Variants in CNBD1 observed in about 807,000 individuals in gnomAD.
The protein encoded by CNBD1 is cyclic nucleotide-binding domain-containing protein 1.
A neutral mutation model predicts 54.4 loss-of-function variants in CNBD1; 71 were observed. That is an observed-to-expected ratio of 1.30 (90% CI 1.08 to 1.59). The LOEUF is 1.59. Among genes scored for constraint, CNBD1 ranks in the 40% most tolerant of loss-of-function variants. The pLI is 0.00. For synonymous variants in CNBD1, 182 were observed against 170.7 expected (o/e 1.07, Z -0.51); for missense variants, 659 against 518.0 (o/e 1.27, Z -2.64).
At chr8:86,996,217 A>G (rs1432464354) in intron 4 of CNBD1, among the ~76,000 whole-genome samples, 1 of 152,040 alleles carries the variant, frequency 6.6e-6, no homozygotes, top group Admixed American at 6.6e-5. Flanking sequence ...GTTGACTGTG[A>G]TTCATGTTTT....
chr8:87,171,567 G>A (rs1282220902), intron 4 of CNBD1, among the ~76,000 whole-genome samples: 12 of 151,204 alleles, frequency 7.9e-5, no homozygotes, highest in African/African-American at 2.2e-4. Context: ...GGTTTTGTTT[G>A]TTCTTGCTTT....
intron 4 of CNBD1, among the ~76,000 whole-genome samples, chr8:87,030,361 T>A (rs952336180): frequency 6.6e-6 from 1 of 152,218 alleles, no homozygotes; most frequent in Non-Finnish European, 1.5e-5. Context: ...AAACAGAAGA[T>A]ACTCTTGGAA....
At chr8:87,394,321 TA>T (rs1264710392) in intron 2 of CNBD1, among the ~76,000 whole-genome samples, 1 of 151,878 alleles carries the variant, frequency 6.6e-6, no homozygotes, top group Non-Finnish European at 1.5e-5. Flanking sequence ...GACTGGGGAA[TA>T]AAAAGAAGCA....
chr8:87,384,535 A>T (rs550685822), downstream of CNBD1, among the ~76,000 whole-genome samples: 21 of 152,296 alleles, frequency 1.4e-4, no homozygotes, highest in South Asian at 4.4e-3. Context: ...TTGATTCAGT[A>T]TTTCCTCCAT....
chr8:87,327,472 A>G (rs558727356), intron 8 of CNBD1, among the ~76,000 whole-genome samples: 2 of 152,306 alleles, frequency 1.3e-5, no homozygotes, highest in South Asian at 2.1e-4. Flanking sequence ...TGGGCGTAGG[A>G]TACTCCGAAC....
At chr8:86,918,636 G>T (rs1809224018) in intron 3 of CNBD1, among the ~76,000 whole-genome samples, 2 of 151,814 alleles carry the variant, frequency 1.3e-5, no homozygotes, top group Admixed American at 6.6e-5. Context: ...CTTCTGTGCT[G>T]CCACATAAGA....
At chr8:86,990,228 T>C (rs1808715437) in intron 4 of CNBD1, among the ~76,000 whole-genome samples, 1 of 152,202 alleles carries the variant, frequency 6.6e-6, no homozygotes, top group Non-Finnish European at 1.5e-5. Context: ...TCCATTTTGC[T>C]TCGGTTGTCT....
intron 4 of CNBD1, among the ~76,000 whole-genome samples, chr8:87,033,723 C>T (rs1384688243): frequency 6.6e-6 from 1 of 152,050 alleles, no homozygotes; most frequent in Non-Finnish European, 1.5e-5. Context: ...TTTTCAGGTA[C>T]ATATATCATT....
rs573738861 is a variant in CNBD1, at chr8:87,303,167, C to G, written c.1042+16496C>G. Among the ~76,000 whole-genome samples, 707 of 151,908 alleles carry G rather than the reference C, an allele frequency of 4.7e-3. 4 individuals carry two copies. The highest frequency in any genetic ancestry group is 0.014 in the Middle Eastern group (4 of 294). ...AGTTCATATGGAGCCAAAAAAGAGCCTGCATTGCCAAGTCAATCCTAAGCC... is the reference window on the plus strand; with the variant it reads ...AGTTCATATGGAGCCAAAAAAGAGCGTGCATTGCCAAGTCAATCCTAAGCC... On this transcript the variant is annotated intron_variant, in intron 8 of 10. Transcript: ENST00000518476.
chr8:87,348,372 G>A (rs1482428380), intron 8 of CNBD1, among the ~76,000 whole-genome samples: 1 of 152,118 alleles, frequency 6.6e-6, no homozygotes, highest in Non-Finnish European at 1.5e-5. Flanking sequence ...CTGTTACAGA[G>A]ATGTAAAGCC....
chr8:87,115,074 G>A (rs1174844111), intron 4 of CNBD1, among the ~76,000 whole-genome samples: 1 of 152,124 alleles, frequency 6.6e-6, no homozygotes, highest in African/African-American at 2.4e-5. Flanking sequence ...GACCTTAATG[G>A]CAATTTAATC....
At chr8:87,298,592 A>G (rs1808925475) in intron 8 of CNBD1, among the ~76,000 whole-genome samples, 1 of 149,426 alleles carries the variant, frequency 6.7e-6, no homozygotes, top group Admixed American at 6.8e-5. Flanking sequence ...TCAAGTCATT[A>G]TCCTGCTTCA....
chr8:87,425,457 C>G (rs975382207), intron 2 of CNBD1, among the ~76,000 whole-genome samples: 4 of 152,128 alleles, frequency 2.6e-5, no homozygotes, highest in African/African-American at 7.2e-5. Context: ...GTTTTATCTA[C>G]TTTTGGTCTT....
chr8:87,369,071 T>A (rs1268500911), intron 10 of CNBD1, among the ~76,000 whole-genome samples: 1 of 152,072 alleles, frequency 6.6e-6, no homozygotes, highest in Non-Finnish European at 1.5e-5. Flanking sequence ...TCAATAATTT[T>A]TTTAATCCAT....
chr8:87,401,284 C>T (rs1366229896), intron 2 of CNBD1, among the ~76,000 whole-genome samples: 5 of 151,982 alleles, frequency 3.3e-5, no homozygotes, highest in African/African-American at 1.2e-4. Flanking sequence ...CTAAGGCCAT[C>T]CCCAATTCCC....
At chr8:87,045,724 CA>C (rs58973406) in intron 4 of CNBD1, among the ~76,000 whole-genome samples, 2,376 of 51,050 alleles carry the variant, frequency 0.047, 20 homozygotes, top group Non-Finnish European at 0.068. Flanking sequence ...GACTCCGTCT[CA>C]AAAAAAAAAA....
At chr8:87,156,405 C>T (rs188139334) in intron 4 of CNBD1, among the ~76,000 whole-genome samples, 129 of 150,694 alleles carry the variant, frequency 8.6e-4, no homozygotes, top group African/African-American at 2.8e-3. Context: ...CCATCATACC[C>T]GGCTACATTT....
chr8:87,386,435 G>A (rs1811191248), downstream of CNBD1, among the ~76,000 whole-genome samples: 1 of 152,170 alleles, frequency 6.6e-6, no homozygotes, highest in Admixed American at 6.5e-5. Flanking sequence ...TGATGGAGCT[G>A]AAAACCGTGG....
At chr8:86,991,294 A>T (rs898303469) in intron 4 of CNBD1, among the ~76,000 whole-genome samples, 1 of 151,946 alleles carries the variant, frequency 6.6e-6, no homozygotes, top group African/African-American at 2.4e-5. Flanking sequence ...TCCTCATTTA[A>T]TGTGATACCA....
Sources: allele counts gnomAD v4.1 joint callset (sites outside exome capture counted in the v4.1 genomes callset), GRCh38; gene constraint gnomAD v4.1.1; transcripts MANE v1.5; gene names NCBI Gene and HGNC (gene_info 2026-07-23, HGNC 2026-07-21).